The following TMPRSS5 variants were observed in gnomAD, a reference collection of about 807,000 sequenced individuals.
TMPRSS5 encodes the protein transmembrane serine protease 5.
Under a neutral mutation model 59.7 loss-of-function variants are expected in TMPRSS5, and 45 were observed. That is an observed-to-expected ratio of 0.75 (90% CI 0.59 to 0.97). The LOEUF (loss-of-function observed/expected upper bound fraction) is 0.97. Among genes scored for constraint, TMPRSS5 ranks in the 50% least tolerant of loss-of-function variants. The pLI is 0.00. For missense variants in TMPRSS5, 585 were observed against 596.7 expected, an observed-to-expected ratio of 0.98 and a Z score of 0.20; for synonymous variants, 225 against 232.0, an observed-to-expected ratio of 0.97 and a Z score of 0.27.
chr11:113,703,146 G>T (rs899863462), intron 1 of TMPRSS5, among the ~76,000 whole-genome samples: 2 of 152,246 alleles, frequency 1.3e-5, no homozygotes, highest in Non-Finnish European at 2.9e-5. Context: ...CAGAAGTGGG[G>T]CTGTGCCCTG....
At chr11:113,693,302 C>T in intron 8 of TMPRSS5, 53 bp from the exon 9 acceptor site, 6 of 1,451,960 alleles carry the variant, frequency 4.1e-6, no homozygotes, top group Non-Finnish European at 5.4e-6. Flanking sequence ...AGAGGTGTTC[C>T]TAAGCAAGGT....
chr11:113,698,390 CA>C (rs1216768483), intron 4 of TMPRSS5, among the ~76,000 whole-genome samples: 17 of 152,258 alleles, frequency 1.1e-4, no homozygotes, highest in Admixed American at 2.0e-4. Context: ...GTAATGTGCC[CA>C]AAGTCACACA....
intron 3 of TMPRSS5, among the ~76,000 whole-genome samples, 184 bp from the exon 4 acceptor site, chr11:113,699,211 GTCTCTCTCTCTC>G (rs1221479693): frequency 9.0e-4 from 57 of 63,002 alleles, no homozygotes; most frequent in Middle Eastern, 8.5e-3. Context: ...TTGTCTGTCT[GTCTCTCTCTCTC>G]TCTCTCTCTC....
In TMPRSS5 at chr11:113,698,920, C is replaced by T. The variant is rs1315049741; in HGVS notation, c.313G>A (p.Ala105Thr). The T allele has an allele frequency of 6.3e-7, 1 of 1,589,456 alleles. No individual in the cohort carries two copies. The stretch of plus-strand genomic sequence containing the variant: ...TGCAGCCCACCTGTTTTGGGAAGTG[C>T]AGGGAGCAGAGCTTCCTCAGCGCTG... ...EASAEEALLP[A>T]LPKTVSFRIN... The change falls in exon 4 of 13, where the codon GCA becomes ACA. Residue 105 changes from alanine to threonine, a missense_variant. Ala to Thr is a moderately conservative substitution (Grantham distance 58, BLOSUM62 0). Transcript: ENST00000299882.
In TMPRSS5 at chr11:113,698,919, G is replaced by A. The variant is rs771255171; in HGVS notation, c.314C>T (p.Ala105Val). The change falls in exon 4 of 13, where the codon GCA (alanine) becomes GTA (valine). Residue 105 changes from alanine (A) to valine (V), a missense_variant. Transcript: ENST00000299882. Reference sequence around the variant, plus strand: ...GTGCAGCCCACCTGTTTTGGGAAGTGCAGGGAGCAGAGCTTCCTCAGCGCT... The same window carrying A: ...GTGCAGCCCACCTGTTTTGGGAAGTACAGGGAGCAGAGCTTCCTCAGCGCT... ...EASAEEALLP[A>V]LPKTVSFRIN... 6.3e-7 allele frequency: 1 copy of A among 1,589,102 alleles called. No individual in the cohort carries two copies. Among genetic ancestry groups the A allele is most frequent in the South Asian group, 1.2e-5 (1 of 86,854 alleles).
chr11:113,699,666 A>C lies in TMPRSS5; in HGVS notation c.134T>G (p.Met45Arg). Residue 45 changes from methionine to arginine, a missense_variant, in exon 3 of 13, where the codon ATG becomes AGG. Coordinates refer to ENST00000299882, the MANE Select transcript of TMPRSS5 (RefSeq NM_030770.4). ...TCCCAGCACTGCACAGCCACGTCGCATGGAACGCCAGCACACTGCCTGAGA... is the reference window on the plus strand; with the variant it reads ...TCCCAGCACTGCACAGCCACGTCGCCTGGAACGCCAGCACACTGCCTGAGA... ...PISQAVCWRS[M>R]RRGCAVLGAL... The C allele has an allele frequency of 6.3e-7, 1 of 1,582,446 alleles. No individual in the cohort carries two copies. The highest frequency in any genetic ancestry group is 8.6e-7 in the Non-Finnish European group (1 of 1,164,686).
chr11:113,690,184 A>ACCCCCCCC, intron 11 of TMPRSS5, 47 bp downstream of exon 11: 1 of 210,046 alleles, frequency 4.8e-6, no homozygotes, highest in Non-Finnish European at 7.6e-6. Flanking sequence ...CTGCCCTCCC[A>ACCCCCCCC]CCCCCACCTC....
intron 8 of TMPRSS5, among the ~76,000 whole-genome samples, chr11:113,694,201 C>T (rs1214229796): frequency 2.7e-5 from 4 of 149,136 alleles, no homozygotes; most frequent in East Asian, 2.0e-4. Flanking sequence ...GCCAAGATTG[C>T]GCCACTGCAC....
intron 12 of TMPRSS5, among the ~76,000 whole-genome samples, chr11:113,688,892 T>C (rs2134777611): frequency 6.6e-6 from 1 of 152,270 alleles, no homozygotes; most frequent in African/African-American, 2.4e-5. Context: ...TTATCTCACT[T>C]GGCCTTCCCA....
In TMPRSS5 at chr11:113,696,721, A is replaced by G. The variant is rs1952936664; in HGVS notation, c.578+137T>C. ...TGAACTGAGTTTGTAATTTCTAACT[A>G]GGAAATGTTCCTCTTTGTCCTCCTA... On this transcript the variant is annotated intron_variant, in intron 6 of 12. Coordinates refer to ENST00000299882, the MANE Select transcript of TMPRSS5 (RefSeq NM_030770.4). 3 of 626,502 alleles carry G rather than the reference A, an allele frequency of 4.8e-6. No homozygotes were observed. The East Asian group carries it at 8.2e-5, about 17-fold the overall frequency. The allele number at this position is 626,502 out of a possible 1,614,324, so 38.8% of individuals were successfully genotyped here.
rs528227924 is a variant in TMPRSS5 at position 113,690,262 on chromosome 11, C to T, written c.1175G>A (p.Gly392Asp). The T allele has an allele frequency of 6.4e-7, 1 of 1,554,904 alleles. No homozygotes were observed. The highest frequency in any genetic ancestry group is 1.2e-5 in the South Asian group (1 of 84,142). The part of the protein sequence containing the change: ...GALTPRMLCA[G>D]YLDGRADACQ... ...TGCATCAGCCCTTCCGTCCAGGTAGCCAGCGCAAAGCATGCGGGGGGTGAG... is the reference window on the plus strand; with the variant it reads ...TGCATCAGCCCTTCCGTCCAGGTAGTCAGCGCAAAGCATGCGGGGGGTGAG... The change falls in exon 11 of 13, where the codon GGC (glycine) becomes GAC (aspartate). Residue 392 changes from glycine (G) to aspartate (D), a missense_variant. Physicochemically the swap from Gly to Asp is moderately conservative, Grantham distance 94 (BLOSUM62 -1). Transcript: ENST00000299882.
In TMPRSS5 at chr11:113,688,265, G is replaced by A; in HGVS notation, c.1369C>T (p.Leu457Phe). Residue 457 changes from leucine (L) to phenylalanine (F), a missense_variant, in exon 13 of 13, where the codon CTC (leucine) becomes TTC (phenylalanine). Coordinates refer to ENST00000299882, the MANE Select transcript of TMPRSS5 (RefSeq NM_030770.4). ...WIHDTAQDSLL is the reference protein window; with the variant it reads ...WIHDTAQDSLF ...ACTGGAGGAAACAGCAGGACTCAGA[G>A]GAGGGAGTCCTAGACCAAAAGGGAA... 6.3e-7 allele frequency: 1 copy of A among 1,580,990 alleles called. No individual in the cohort carries two copies. The highest frequency in any genetic ancestry group is 8.6e-7 in the Non-Finnish European group (1 of 1,163,146).
At chr11:113,700,219 A>G (rs1392078600) in intron 1 of TMPRSS5, 51 bp from the exon 2 acceptor site, 1 of 1,442,932 alleles carries the variant, frequency 6.9e-7, no homozygotes, top group Non-Finnish European at 9.2e-7. Context: ...AGGACTGCTG[A>G]GAGAAGTCAC....
rs771255171 is a variant in TMPRSS5 at position 113,698,919 on chromosome 11, G to T, written c.314C>A (p.Ala105Glu). Residue 105 changes from alanine (A) to glutamate (E), a missense_variant, in exon 4 of 13, where the codon GCA becomes GAA. Transcript: ENST00000299882. ...EASAEEALLP[A>E]LPKTVSFRIN... is the part of the protein sequence containing the mutation. ...GTGCAGCCCACCTGTTTTGGGAAGT[G>T]CAGGGAGCAGAGCTTCCTCAGCGCT... is the stretch of plus-strand genomic sequence containing the variant. The T allele has an allele frequency of 6.3e-7, 1 of 1,589,102 alleles. No homozygotes were observed. The highest frequency in any genetic ancestry group is 1.3e-5 in the African/African-American group (1 of 74,630).
chr11:113,693,018 C>G, intron 9 of TMPRSS5, 53 bp downstream of exon 9: 1 of 1,394,748 alleles, frequency 7.2e-7, no homozygotes, highest in Non-Finnish European at 9.9e-7. Flanking sequence ...ACCCAGCCCC[C>G]GCCCTCTCTC....
chr11:113,704,515 G>A (rs568051148), intron 1 of TMPRSS5, among the ~76,000 whole-genome samples: 5 of 152,092 alleles, frequency 3.3e-5, no homozygotes, highest in East Asian at 3.9e-4. Context: ...CCATGATCTC[G>A]CCTGGCCTCA....
intron 8 of TMPRSS5, 125 bp from the exon 9 acceptor site, chr11:113,693,374 C>G (rs1256290352): frequency 1.9e-6 from 2 of 1,045,744 alleles, no homozygotes; most frequent in Non-Finnish European, 2.7e-6. Context: ...AGGCGGTGAG[C>G]TCCCAGGCCC....
chr11:113,700,561 G>A (rs999798814), intron 1 of TMPRSS5, among the ~76,000 whole-genome samples: 1 of 152,052 alleles, frequency 6.6e-6, no homozygotes, highest in African/African-American at 2.4e-5. Flanking sequence ...AGGAAGAAGT[G>A]CCCCTCCACC....
chr11:113,691,675 C>A (rs546897580), intron 9 of TMPRSS5, among the ~76,000 whole-genome samples: 119 of 151,676 alleles, frequency 7.8e-4, no homozygotes, highest in African/African-American at 2.6e-3. Flanking sequence ...ATTTACTATA[C>A]CTATTTTGTA....
Sources: allele counts gnomAD v4.1 joint callset (sites outside exome capture counted in the v4.1 genomes callset), GRCh38; gene constraint gnomAD v4.1.1; transcripts MANE v1.5; gene names NCBI Gene and HGNC (gene_info 2026-07-23, HGNC 2026-07-21).